Variants in CX3CR1 observed in about 807,000 individuals in gnomAD.
CX3CR1 encodes the protein CX3C chemokine receptor 1.
For synonymous variants in CX3CR1, 168 were observed against 178.5 expected (o/e 0.94, Z 0.47); for missense variants, 363 against 432.4 (o/e 0.84, Z 1.42).
chr3:39,280,666 T>C (rs920419274), upstream of CX3CR1, among the ~76,000 whole-genome samples: 2 of 152,210 alleles, frequency 1.3e-5, no homozygotes, highest in African/African-American at 2.4e-5. Flanking sequence ...TGGCTCCCTA[T>C]ACCCATCAGT....
At chr3:39,274,814 C>T (rs1346276152) in intron 1 of CX3CR1, among the ~76,000 whole-genome samples, 2 of 151,740 alleles carry the variant, frequency 1.3e-5, no homozygotes, top group Non-Finnish European at 2.9e-5. Context: ...AAAATAAGGA[C>T]AGAGATCTCC....
At position 39,280,022 on chromosome 3, in the gene CX3CR1, A is replaced by G. The variant is rs1336658115; in HGVS notation, c.-78T>C. On this transcript the variant is annotated 5_prime_UTR_variant, in exon 1 of 2. Transcript: ENST00000399220. The stretch of plus-strand genomic sequence containing the variant: ...CACCCTGTCCTGCTCAGACTTTACC[A>G]GAGACGAGTATTTCCCTTTCCTTCC... 1 of 985,422 alleles carries G rather than the reference A, an allele frequency of 1.0e-6. No homozygotes were observed. Among genetic ancestry groups the G allele is most frequent in the African/African-American group, 1.7e-5 (1 of 57,258 alleles). The allele number at this position is 985,422 out of a possible 1,614,324, so 61.0% of individuals were successfully genotyped here.
the CX3CR1 span, among the ~76,000 whole-genome samples, chr3:39,292,414 G>A: frequency 6.6e-6 from 1 of 152,116 alleles, no homozygotes; most frequent in African/African-American, 2.4e-5. Context: ...AGCTGCTTCT[G>A]ACTTTGTAAA....
At chr3:39,289,535 A>T in the CX3CR1 span, among the ~76,000 whole-genome samples, 2 of 152,212 alleles carry the variant, frequency 1.3e-5, no homozygotes, top group African/African-American at 4.8e-5. Flanking sequence ...AAAATTTCTG[A>T]GTGACAACTC....
At chr3:39,289,572 A>G in the CX3CR1 span, among the ~76,000 whole-genome samples, 1 of 152,132 alleles carries the variant, frequency 6.6e-6, no homozygotes, top group Admixed American at 6.5e-5. Context: ...CTGGTGGGCA[A>G]TCTTGTCCCT....
At position 39,265,711 on chromosome 3, in the gene CX3CR1, T is replaced by A. The variant is rs1217914816; in HGVS notation, c.799A>T (p.Met267Leu). 1.9e-6 allele frequency: 3 copies of A among 1,614,168 alleles called. No individual in the cohort carries two copies. Among genetic ancestry groups the A allele is most frequent in the Non-Finnish European group, 2.5e-6 (3 of 1,180,026 alleles). Residue 267 changes from methionine to leucine, a missense_variant, in exon 2 of 2, where the codon ATG becomes TTG. By Grantham distance (15) the Met-to-Leu change is conservative. Transcript: ENST00000399220. The stretch of plus-strand genomic sequence containing the variant: ...AGGGCCAGCCTCAGATCCTTCCTCA[T>A]GTCACAACTGGGAAAGAAGTCATAG... ...KLYDFFPSCD[M>L]RKDLRLALSV...
intron 1 of CX3CR1, among the ~76,000 whole-genome samples, chr3:39,267,542 T>C (rs1575206877): frequency 6.6e-6 from 1 of 152,124 alleles, no homozygotes; most frequent in Admixed American, 6.5e-5. Context: ...ACTTTCCTGG[T>C]TTTAGCCCTG....
the CX3CR1 span, among the ~76,000 whole-genome samples, chr3:39,289,940 A>T: frequency 2.6e-5 from 4 of 152,204 alleles, no homozygotes; most frequent in Non-Finnish European, 5.9e-5. Flanking sequence ...ATAAATTTCT[A>T]TTGTTTAAGC....
Position 39,264,833 on chromosome 3 carries a change from A to G in CX3CR1, c.*609T>C, listed in dbSNP as rs145988232. On this transcript the variant is annotated 3_prime_UTR_variant, in exon 2 of 2. Transcript: ENST00000399220. ...TGGAAATATGTATTTCTGCTTCTCC[A>G]TGAGATTGGACTGGAAGCTTCCATC... The G allele has an allele frequency of 6.6e-6, 1 of 152,416 alleles. No individual in the cohort carries two copies. The highest frequency in any genetic ancestry group is 2.4e-5 in the African/African-American group (1 of 41,570). 9.4% of individuals were successfully genotyped at this position (152,416 alleles called of 1,614,324 possible). A position where few individuals can be genotyped will look rare whatever the true frequency, so the allele number is the denominator to read the frequency against.
In CX3CR1 at chr3:39,265,312, G is replaced by T; in HGVS notation, c.*130C>A. 1.1e-6 allele frequency: 1 copy of T among 882,662 alleles called. No homozygotes were observed. Among genetic ancestry groups the T allele is most frequent in the Non-Finnish European group, 1.7e-6 (1 of 572,146 alleles). The allele number at this position is 882,662 out of a possible 1,614,324, so 54.7% of individuals were successfully genotyped here. A position where few individuals can be genotyped will look rare whatever the true frequency, so the allele number is the denominator to read the frequency against. Reference sequence around the variant, plus strand: ...AGCACAATTCTCAACAACACTCTAGGGTTGTTTTGTGTGCATTGGGTCCAT... The same window carrying T: ...AGCACAATTCTCAACAACACTCTAGTGTTGTTTTGTGTGCATTGGGTCCAT... On this transcript the variant is annotated 3_prime_UTR_variant, in exon 2 of 2. Transcript: ENST00000399220.
Position 39,274,995 on chromosome 3 carries a change from G to A in CX3CR1, c.-10+4959C>T, listed in dbSNP as rs549607535. Among the ~76,000 whole-genome samples the A allele has an allele frequency of 1.6e-3, 236 of 151,988 alleles. 1 individual carries two copies. Among genetic ancestry groups the A allele is most frequent in the African/African-American group, 4.9e-3 (202 of 41,438 alleles). On this transcript the variant is annotated intron_variant, in intron 1 of 1. Coordinates refer to ENST00000399220, the MANE Select transcript of CX3CR1 (RefSeq NM_001337.4). ...TCCTGCCTCAGCCTCCCAAGTAGCT[G>A]GGATTACAGGCGCCCACCACCATGC...
intron 1 of CX3CR1, among the ~76,000 whole-genome samples, chr3:39,270,868 G>A (rs1318289112): frequency 6.6e-6 from 1 of 152,170 alleles, no homozygotes; most frequent in Non-Finnish European, 1.5e-5. Flanking sequence ...ACTAAAAAAT[G>A]AGTAACTTAG....
upstream of CX3CR1, chr3:39,281,843 T>G: frequency 1.6e-6 from 1 of 635,842 alleles, no homozygotes; most frequent in Non-Finnish European, 2.8e-6. Flanking sequence ...GTCCAGGACG[T>G]GATTTTACCC....
At chr3:39,280,163 C>T, upstream of CX3CR1, 4 of 980,822 alleles carry the variant, frequency 4.1e-6, no homozygotes, top group South Asian at 4.7e-5. Flanking sequence ...AGGCCAGCTG[C>T]CAACAGGAGG....
intron 1 of CX3CR1, among the ~76,000 whole-genome samples, chr3:39,271,638 C>T (rs2040778242): frequency 6.6e-6 from 1 of 152,196 alleles, no homozygotes; most frequent in African/African-American, 2.4e-5. Flanking sequence ...AGTCATTGGG[C>T]AACATAGGGT....
upstream of CX3CR1, among the ~76,000 whole-genome samples, chr3:39,285,212 G>GAAA (rs4016656): frequency 8.6e-6 from 1 of 115,658 alleles, no homozygotes. Flanking sequence ...CATTGGTACA[G>GAAA]AAAAAAAAAA....
rs1017416588 is a variant in CX3CR1 at position 39,266,072 on chromosome 3, G to A, written c.438C>T (p.Gly146=). ...CCCAGACGCCTAGGCTGATGGTGAC[G>A]CCATGCTGCACGGTCCGGTTGTTCA... ...NSMNNRTVQH[G]VTISLGVWAA... is the part of the protein sequence containing the mutation. The change falls in exon 2 of 2, where the codon GGC becomes GGT. Residue 146 remains glycine, a synonymous_variant. Coordinates refer to ENST00000399220, the MANE Select transcript of CX3CR1 (RefSeq NM_001337.4). 8.7e-6 allele frequency: 14 copies of A among 1,614,200 alleles called. No individual in the cohort carries two copies. The highest frequency in any genetic ancestry group is 3.3e-5 in the Admixed American group (2 of 60,022).
chr3:39,283,794 ATTATATAT>A (rs1438772250), upstream of CX3CR1, among the ~76,000 whole-genome samples: 1 of 58,340 alleles, frequency 1.7e-5, no homozygotes, highest in Non-Finnish European at 3.3e-5. Flanking sequence ...AAAAAAAAAA[ATTATATAT>A]ATATATATAT....
At chr3:39,273,109 G>T (rs764381578) in intron 1 of CX3CR1, among the ~76,000 whole-genome samples, 1 of 152,244 alleles carries the variant, frequency 6.6e-6, no homozygotes, top group Non-Finnish European at 1.5e-5. Flanking sequence ...CCCTGGAGGG[G>T]AAATCTGCAG....
Sources: gnomAD v4.1 joint callset for allele counts (sites outside exome capture counted in the v4.1 genomes callset) on GRCh38, gnomAD v4.1.1 for gene constraint, MANE v1.5 for transcripts, NCBI Gene and HGNC (gene_info 2026-07-23, HGNC 2026-07-21) for gene names.